The following HNF1A variants were observed in gnomAD, a reference collection of about 807,000 sequenced individuals.
HNF1A encodes the protein hepatocyte nuclear factor 1-alpha.
A neutral mutation model predicts 62.2 loss-of-function variants in HNF1A; 21 were observed. The ratio of observed to expected loss-of-function variants is 0.34; its 90% CI spans 0.24 to 0.49. HNF1A has a LOEUF of 0.49. HNF1A is among the 20% of genes least tolerant of loss of function. The pLI is 0.99. For missense variants in HNF1A, 687 were observed against 832.3 expected, an observed-to-expected ratio of 0.83 and a Z score of 2.15; for synonymous variants, 374 against 366.8, an observed-to-expected ratio of 1.02 and a Z score of -0.22.
chr12:120,993,692 G>A lies in HNF1A; in HGVS notation c.699G>A (p.Val233=), dbSNP rs1280980831. Residue 233 remains valine, a synonymous_variant, in exon 3 of 10, where the codon GTG becomes GTA. Coordinates refer to ENST00000257555, the MANE Select transcript of HNF1A (RefSeq NM_000545.8). The part of the protein sequence containing the change: ...NPSKEERETL[V]EECNRAECIQ... ...GCAAGGAGGAGCGAGAGACGCTAGT[G>A]GAGGAGTGCAATAGGTACAACGGCG... 28 of 1,613,890 alleles carry A rather than the reference G, an allele frequency of 1.7e-5. No homozygotes were observed. Among genetic ancestry groups the A allele is most frequent in the Non-Finnish European group, 2.4e-5 (28 of 1,180,038 alleles).
intron 4 of HNF1A, among the ~76,000 whole-genome samples, chr12:120,994,782 TA>T (rs1438483759): frequency 1.4e-5 from 2 of 145,356 alleles, no homozygotes; most frequent in Non-Finnish European, 3.0e-5. Context: ...CTACTCCATC[TA>T]CTACCTTCAA....
rs1468351666 is a variant in HNF1A at position 120,996,269 on chromosome 12, C to A, written c.963C>A (p.Arg321=). The change falls in exon 5 of 10, where the codon CGC becomes CGA. Residue 321 remains arginine, a synonymous_variant. Coordinates refer to ENST00000257555, the MANE Select transcript of HNF1A (RefSeq NM_000545.8). This position sits in a 1 kb window ranked among gnomAD's most constrained non-coding sequence, Gnocchi z 4.5. ...CACTGCTTCCCTCTCCAGGTGTGCG[C>A]TATGGACAGCCTGCGACCAGTGAGA... ...ALSPSKVHGV[R]YGQPATSETA... 1 of 1,614,084 alleles carries A rather than the reference C, an allele frequency of 6.2e-7. No individual in the cohort carries two copies. Among genetic ancestry groups the A allele is most frequent in the Non-Finnish European group, 8.5e-7 (1 of 1,180,014 alleles).
In HNF1A at chr12:120,997,000, G is replaced by A. The variant is rs1277689233; in HGVS notation, c.1309+258G>A. ...TCTGTGGTACCTCAGAAGGTGAAGG[G>A]TCTATGGGCAAATTACAGCAGGGTA... On this transcript the variant is annotated intron_variant, in intron 6 of 9. Coordinates refer to ENST00000257555, the MANE Select transcript of HNF1A (RefSeq NM_000545.8). This position sits in a 1 kb window ranked among gnomAD's most constrained non-coding sequence, Gnocchi z 4.5. 5 of 1,517,680 alleles carry A rather than the reference G, an allele frequency of 3.3e-6. No homozygotes were observed. Among genetic ancestry groups the A allele is most frequent in the Non-Finnish European group, 4.4e-6 (5 of 1,124,536 alleles). The allele number at this position is 1,517,680 out of a possible 1,614,324, so 94.0% of individuals were successfully genotyped here. A position where few individuals can be genotyped will look rare whatever the true frequency, so the allele number is the denominator to read the frequency against.
chr12:120,986,016 G>A (rs1477368567), intron 1 of HNF1A, among the ~76,000 whole-genome samples: 3 of 151,784 alleles, frequency 2.0e-5, no homozygotes, highest in East Asian at 1.9e-4. Context: ...TAAATATCAT[G>A]TATGCATATA....
chr12:120,999,687 C>T, intron 9 of HNF1A, 60 bp downstream of exon 9: 1 of 1,563,544 alleles, frequency 6.4e-7, no homozygotes, highest in African/African-American at 1.3e-5. Context: ...ATGTTGGTCC[C>T]ACCCCTTCTG....
chr12:120,998,912 T>C (rs1446828144), intron 7 of HNF1A, among the ~76,000 whole-genome samples: 1 of 152,200 alleles, frequency 6.6e-6, no homozygotes, highest in Non-Finnish European at 1.5e-5. Flanking sequence ...CTGCATTTAG[T>C]ACAGTAGCAC....
At chr12:120,983,916 C>CTCTGTGTGTG (rs1484410766) in intron 1 of HNF1A, among the ~76,000 whole-genome samples, 9 of 137,278 alleles carry the variant, frequency 6.6e-5, no homozygotes, top group Non-Finnish European at 1.2e-4. Context: ...CTTGAAGACT[C>CTCTGTGTGTG]TGTGTGTGTG....
rs899708954 is a variant in HNF1A at position 120,978,644 on chromosome 12, G to C, written c.-125G>C. On this transcript the variant is annotated 5_prime_UTR_variant, in exon 1 of 10. Transcript: ENST00000257555. Reference sequence around the variant, plus strand: ...CACAGGGCTTGGCTAGTGGGGTTTTGGGGGGGCAGTGGGTGCAAGGAGTTT... The same window carrying C: ...CACAGGGCTTGGCTAGTGGGGTTTTCGGGGGGCAGTGGGTGCAAGGAGTTT... The C allele has an allele frequency of 3.3e-6, 3 of 918,316 alleles. No homozygotes were observed. The highest frequency in any genetic ancestry group is 1.6e-5 in the African/African-American group (1 of 62,030). 56.9% of individuals were successfully genotyped at this position (918,316 alleles called of 1,614,324 possible). A position where few individuals can be genotyped will look rare whatever the true frequency, so the allele number is the denominator to read the frequency against.
At position 120,994,147 on chromosome 12, in the gene HNF1A, G is replaced by C. The variant is rs200711098; in HGVS notation, c.714-17G>C. ...TCTGAGCCTGGCCTGGAGGCTCATGGGTGGCTATTTCTGCAGGGCGGAATG... is the reference window on the plus strand; with the variant it reads ...TCTGAGCCTGGCCTGGAGGCTCATGCGTGGCTATTTCTGCAGGGCGGAATG... On this transcript the variant is annotated splice_polypyrimidine_tract_variant and intron_variant, in intron 3 of 9. Transcript: ENST00000257555. 2.5e-6 allele frequency: 4 copies of C among 1,611,234 alleles called. No individual in the cohort carries two copies. The highest frequency in any genetic ancestry group is 3.4e-6 in the Non-Finnish European group (4 of 1,178,986).
intron 3 of HNF1A, 53 bp downstream of exon 3, chr12:120,993,759 C>A: frequency 6.3e-7 from 1 of 1,581,234 alleles, no homozygotes; most frequent in South Asian, 1.1e-5. Context: ...GCGGCAAGGC[C>A]AGGGAAGGGG....
At chr12:120,986,309 G>A (rs1012161262) in intron 1 of HNF1A, among the ~76,000 whole-genome samples, 14 of 152,194 alleles carry the variant, frequency 9.2e-5, no homozygotes, top group African/African-American at 3.4e-4. Flanking sequence ...GCATTGAACA[G>A]ATGCACCTCC....
chr12:120,989,112 T>G, intron 2 of HNF1A, 80 bp downstream of exon 2: 1 of 1,330,268 alleles, frequency 7.5e-7, no homozygotes, highest in Admixed American at 1.9e-5. Context: ...GCTGGAAGCT[T>G]CACCATCCCC....
chr12:120,978,628 T>C lies in HNF1A; in HGVS notation c.-141T>C, dbSNP rs1408617021. On this transcript the variant is annotated 5_prime_UTR_variant, in exon 1 of 10. Transcript: ENST00000257555. ...GGGGGTTGGGGGTGCCCACAGGGCTTGGCTAGTGGGGTTTTGGGGGGGCAG... is the reference window on the plus strand; with the variant it reads ...GGGGGTTGGGGGTGCCCACAGGGCTCGGCTAGTGGGGTTTTGGGGGGGCAG... 1.3e-6 allele frequency: 1 copy of C among 796,720 alleles called. No homozygotes were observed. Among genetic ancestry groups the C allele is most frequent in the African/African-American group, 1.7e-5 (1 of 58,558 alleles). The allele number at this position is 796,720 out of a possible 1,614,324, so 49.4% of individuals were successfully genotyped here.
In HNF1A at chr12:120,988,913, C is replaced by A; in HGVS notation, c.407C>A (p.Thr136Asn). Reference protein sequence around the residue: ...HNIPQREVVDTTGLNQSHLSQ... With the variant: ...HNIPQREVVDNTGLNQSHLSQ... ...ATCCCACAGCGGGAGGTGGTCGATA[C>A]CACTGGCCTCAACCAGTCCCACCTG... Residue 136 changes from threonine (T) to asparagine (N), a missense_variant, in exon 2 of 10, where the codon ACC (threonine) becomes AAC (asparagine). Physicochemically the swap from Thr to Asn is moderately conservative, Grantham distance 65. Coordinates refer to ENST00000257555, the MANE Select transcript of HNF1A (RefSeq NM_000545.8). The A allele has an allele frequency of 6.2e-7, 1 of 1,614,214 alleles. No individual in the cohort carries two copies. Among genetic ancestry groups the A allele is most frequent in the South Asian group, 1.1e-5 (1 of 91,086 alleles).
At position 120,996,176 on chromosome 12, in the gene HNF1A, A is replaced by G; in HGVS notation, c.956-86A>G. ...GACAGGCAGCTGGCCTAAGCAAACC[A>G]ATGGAGTTTGAAGTGCTGAGGGCTG... On this transcript the variant is annotated intron_variant, in intron 4 of 9. Coordinates refer to ENST00000257555, the MANE Select transcript of HNF1A (RefSeq NM_000545.8). This position sits in a 1 kb window ranked among gnomAD's most constrained non-coding sequence, Gnocchi z 4.5. 1 of 1,527,696 alleles carries G rather than the reference A, an allele frequency of 6.5e-7. No homozygotes were observed. The highest frequency in any genetic ancestry group is 9.0e-7 in the Non-Finnish European group (1 of 1,108,234). 94.6% of individuals were successfully genotyped at this position (1,527,696 alleles called of 1,614,324 possible). A position where few individuals can be genotyped will look rare whatever the true frequency, so the allele number is the denominator to read the frequency against.
intron 2 of HNF1A, among the ~76,000 whole-genome samples, chr12:120,990,180 T>C (rs527669280): frequency 4.6e-4 from 70 of 152,238 alleles, no homozygotes; most frequent in African/African-American, 9.6e-4. Context: ...CTCACTCTGT[T>C]GCCCAGGCTG....
Position 121,002,061 on chromosome 12 carries a change from G to A in HNF1A, c.*869G>A, listed in dbSNP as rs1314151828. On this transcript the variant is annotated 3_prime_UTR_variant, in exon 10 of 10. Transcript: ENST00000257555. ...GTGGGGCAGCTCCTCTGTCTCGAGC[G>A]CCCTGCAGACCCTGCCCTTGTTTGG... is the stretch of plus-strand genomic sequence containing the variant. The A allele has an allele frequency of 3.7e-6, 2 of 536,734 alleles. No homozygotes were observed. The highest frequency in any genetic ancestry group is 3.6e-6 in the Non-Finnish European group (1 of 276,672). The allele number at this position is 536,734 out of a possible 1,614,324, so 33.2% of individuals were successfully genotyped here.
rs1028242355 is a variant in HNF1A, at chr12:121,000,328, C to G, written c.1768+701C>G. ...GTGTCCTGGCATTCACCCCATGAGG[C>G]GTGTCCATGACCACCCCCATTTTAC... is the stretch of plus-strand genomic sequence containing the variant. On this transcript the variant is annotated intron_variant, in intron 9 of 9. Transcript: ENST00000257555. Among the ~76,000 whole-genome samples the G allele has an allele frequency of 2.0e-5, 3 of 152,142 alleles. No individual in the cohort carries two copies. In the East Asian group the frequency reaches 5.8e-4, roughly 29 times the overall value.
rs2135838827 is a variant in HNF1A, at chr12:120,993,521, G to A, written c.528G>A (p.Gln176=). ...ACTCACGGCTTTCTGTGCCTGCAGA[G>A]TTCACCCATGCAGGGCAGGGAGGGC... ...YVRKQREVAQ[Q]FTHAGQGGLI... The change falls in exon 3 of 10, where the codon CAG becomes CAA. Residue 176 remains glutamine, a splice_region_variant and synonymous_variant. Transcript: ENST00000257555. 6.2e-7 allele frequency: 1 copy of A among 1,614,008 alleles called. No individual in the cohort carries two copies. Among genetic ancestry groups the A allele is most frequent in the African/African-American group, 1.3e-5 (1 of 75,036 alleles).
Sources: gnomAD v4.1 joint callset for allele counts (sites outside exome capture counted in the v4.1 genomes callset) on GRCh38, gnomAD v4.1.1 for gene constraint, Gnocchi (gnomAD v3.1) non-coding constraint, MANE v1.5 for transcripts, NCBI Gene and HGNC (gene_info 2026-07-23, HGNC 2026-07-21) for gene names.